The following LRMDA variants were observed in gnomAD, a reference collection of about 807,000 sequenced individuals.
LRMDA encodes leucine-rich melanocyte differentiation-associated protein.
Under a neutral mutation model 29.8 loss-of-function variants are expected in LRMDA, and 18 were observed. That is an observed-to-expected ratio of 0.60 (90% CI 0.42 to 0.90). The LOEUF (loss-of-function observed/expected upper bound fraction) is 0.90. Ranked by LOEUF, LRMDA falls within the 40% of genes least tolerant of loss-of-function variation. The pLI, the probability that LRMDA is intolerant of heterozygous loss-of-function variation, is 0.00. For synonymous variants in LRMDA, 125 were observed against 109.4 expected, an observed-to-expected ratio of 1.14 and a Z score of -0.89; for missense variants, 273 against 273.9, an observed-to-expected ratio of 1.00 and a Z score of 0.02.
chr10:75,925,112 G>A (rs1177419238), intron 2 of LRMDA, among the ~76,000 whole-genome samples: 3 of 152,140 alleles, frequency 2.0e-5, no homozygotes, highest in East Asian at 3.9e-4. Flanking sequence ...AGTCGTCCTG[G>A]GACTGGCTTA....
At chr10:76,329,200 C>A (rs1840874410) in intron 6 of LRMDA, among the ~76,000 whole-genome samples, 1 of 152,202 alleles carries the variant, frequency 6.6e-6, no homozygotes. Context: ...AGGCGATTCT[C>A]CGATGTAGTT....
intron 2 of LRMDA, among the ~76,000 whole-genome samples, chr10:75,571,513 A>G (rs577690923): frequency 3.6e-4 from 54 of 152,104 alleles, no homozygotes; most frequent in Admixed American, 9.8e-4. Context: ...TCTACCTTAT[A>G]CTCAACTCTG....
At chr10:75,873,609 C>A (rs1397102133) in intron 2 of LRMDA, among the ~76,000 whole-genome samples, 1 of 152,128 alleles carries the variant, frequency 6.6e-6, no homozygotes, top group East Asian at 1.9e-4. Flanking sequence ...GGCTATAACT[C>A]TCAGGTATTT....
At chr10:75,530,554 A>G (rs1845465741) in intron 2 of LRMDA, among the ~76,000 whole-genome samples, 1 of 152,142 alleles carries the variant, frequency 6.6e-6, no homozygotes, top group Non-Finnish European at 1.5e-5. Flanking sequence ...GGGCACCCCC[A>G]TTCCTCACCC....
intron 5 of LRMDA, among the ~76,000 whole-genome samples, chr10:76,081,914 C>T (rs933590177): frequency 6.6e-6 from 1 of 152,174 alleles, no homozygotes; most frequent in Non-Finnish European, 1.5e-5. Flanking sequence ...GATTGGCTCA[C>T]ATTTAATAGA....
intron 2 of LRMDA, among the ~76,000 whole-genome samples, chr10:75,683,073 C>T (rs1168429752): frequency 6.6e-6 from 1 of 152,202 alleles, no homozygotes; most frequent in Non-Finnish European, 1.5e-5. Flanking sequence ...TACATTTCCT[C>T]TCCTGGAGTG....
chr10:76,194,888 A>G (rs771198186), intron 5 of LRMDA, among the ~76,000 whole-genome samples: 2 of 152,240 alleles, frequency 1.3e-5, no homozygotes, highest in African/African-American at 2.4e-5. Flanking sequence ...AAAGTACAAT[A>G]TGAATCTCCA....
chr10:75,504,475 A>G (rs968945578), intron 2 of LRMDA, among the ~76,000 whole-genome samples: 3 of 152,148 alleles, frequency 2.0e-5, no homozygotes, highest in African/African-American at 7.2e-5. Context: ...ATTTTATTAG[A>G]TTAATGGAAA....
chr10:75,726,692 A>T (rs959761077), intron 2 of LRMDA, among the ~76,000 whole-genome samples: 4 of 152,354 alleles, frequency 2.6e-5, no homozygotes, highest in African/African-American at 9.6e-5. Flanking sequence ...ATGCCTACTT[A>T]GCCTTCCTTT....
At chr10:75,968,291 C>T (rs575214059) in intron 2 of LRMDA, among the ~76,000 whole-genome samples, 5 of 152,114 alleles carry the variant, frequency 3.3e-5, no homozygotes, top group African/African-American at 1.2e-4. Flanking sequence ...GATCTGTGCC[C>T]CAGCAGCATG....
chr10:76,180,017 G>A (rs1160621317), intron 5 of LRMDA, among the ~76,000 whole-genome samples: 1 of 152,196 alleles, frequency 6.6e-6, no homozygotes, highest in African/African-American at 2.4e-5. Flanking sequence ...CAGGCTTTGG[G>A]GTCGTTAGCT....
chr10:75,906,984 G>T (rs1331959518), intron 2 of LRMDA, among the ~76,000 whole-genome samples: 2 of 152,164 alleles, frequency 1.3e-5, no homozygotes, highest in African/African-American at 2.4e-5. Context: ...AGGGGAAATT[G>T]TTCCCTCTGA....
chr10:76,280,216 A>G (rs1012259302), intron 5 of LRMDA, among the ~76,000 whole-genome samples: 1 of 152,222 alleles, frequency 6.6e-6, no homozygotes, highest in Non-Finnish European at 1.5e-5. Context: ...AAGCAATTTA[A>G]TCCTTAGACT....
chr10:75,742,873 A>C (rs1233027923), intron 2 of LRMDA: 1 of 152,268 alleles, frequency 6.6e-6, no homozygotes, highest in Non-Finnish European at 1.5e-5. Flanking sequence ...CTTTAATAGC[A>C]GCTGGCCAAG....
chr10:76,225,882 C>T lies in LRMDA; in HGVS notation c.517-98519C>T, dbSNP rs538788943. 1.3e-3 allele frequency among the ~76,000 whole-genome samples: 170 copies of T among 127,430 alleles called. 1 individual carries two copies. The highest frequency in any genetic ancestry group is 4.8e-3 in the African/African-American group (166 of 34,940). The allele number at this position is 127,430 out of a possible 152,430, so 83.6% of individuals were successfully genotyped here. On this transcript the variant is annotated intron_variant, in intron 5 of 6. Transcript: ENST00000611255. ...CTAATGCTATCCCTCCCCCCTCCCCCCACCCCACAACAGCCCCCGGTGTGT... is the reference window on the plus strand; with the variant it reads ...CTAATGCTATCCCTCCCCCCTCCCCTCACCCCACAACAGCCCCCGGTGTGT...
intron 2 of LRMDA, among the ~76,000 whole-genome samples, chr10:75,611,145 G>A (rs572445499): frequency 5.6e-4 from 85 of 152,258 alleles, no homozygotes; most frequent in Middle Eastern, 3.4e-3. Context: ...TGCCTCTTTG[G>A]TGTCCTTTGG....
At chr10:75,996,735 G>GTTT (rs1332967445) in intron 2 of LRMDA, among the ~76,000 whole-genome samples, 1 of 139,640 alleles carries the variant, frequency 7.2e-6, no homozygotes, top group Non-Finnish European at 1.6e-5. Flanking sequence ...TTTGTTTGGT[G>GTTT]TTTTTTTTTT....
At chr10:75,671,185 A>G (rs946810177) in intron 2 of LRMDA, among the ~76,000 whole-genome samples, 5 of 152,222 alleles carry the variant, frequency 3.3e-5, no homozygotes, top group African/African-American at 1.2e-4. Flanking sequence ...GTCTAAATTT[A>G]TTATGGGAAT....
At chr10:76,064,186 C>T (rs939304604) in intron 5 of LRMDA, among the ~76,000 whole-genome samples, 4 of 152,182 alleles carry the variant, frequency 2.6e-5, no homozygotes, top group Non-Finnish European at 4.4e-5. Context: ...GCAGAAAAGA[C>T]AGATTCTGGG....
Sources: gnomAD v4.1 joint callset for allele counts (sites outside exome capture counted in the v4.1 genomes callset) on GRCh38, gnomAD v4.1.1 for gene constraint, MANE v1.5 for transcripts, NCBI Gene and HGNC (gene_info 2026-07-23, HGNC 2026-07-21) for gene names.